Variants in ANGPT1 observed in about 807,000 individuals in gnomAD.
The protein encoded by ANGPT1 is angiopoietin 1, also known as angiopoietin-1.
ANGPT1 carries 17 observed loss-of-function variants against 62.2 expected under a neutral mutation model. The ratio of observed to expected loss-of-function variants is 0.27; its 90% confidence interval spans 0.19 to 0.41. The LOEUF is 0.41. ANGPT1 is among the 10% of genes least tolerant of loss of function. The pLI is 1.00. For missense variants in ANGPT1, 478 were observed against 594.9 expected, an observed-to-expected ratio of 0.80 and a Z score of 2.04; for synonymous variants, 199 against 198.9, an observed-to-expected ratio of 1.00 and a Z score of 0.00.
intron 7 of ANGPT1, among the ~76,000 whole-genome samples, chr8:107,273,327 G>T (rs1283121258): frequency 6.6e-6 from 1 of 152,040 alleles, no homozygotes; most frequent in East Asian, 1.9e-4. Flanking sequence ...TTCTTGCAAA[G>T]AGAAAATACT....
chr8:107,425,496 A>G (rs1470367724), intron 1 of ANGPT1, among the ~76,000 whole-genome samples: 1 of 152,224 alleles, frequency 6.6e-6, no homozygotes, highest in East Asian at 1.9e-4. Flanking sequence ...GAGGTAATTT[A>G]GTGGCTATCT....
chr8:107,436,583 C>T (rs146192403), intron 1 of ANGPT1, among the ~76,000 whole-genome samples: 248 of 152,282 alleles, frequency 1.6e-3, no homozygotes, highest in African/African-American at 5.7e-3. Flanking sequence ...TCTATTTATA[C>T]TCTCTCCTCC....
intron 1 of ANGPT1, among the ~76,000 whole-genome samples, chr8:107,486,277 A>G (rs1322761463): frequency 6.6e-6 from 1 of 152,194 alleles, no homozygotes; most frequent in African/African-American, 2.4e-5. Flanking sequence ...GGTTAAGAGC[A>G]TAGGTCATAG....
intron 1 of ANGPT1, among the ~76,000 whole-genome samples, chr8:107,455,357 T>A (rs899365053): frequency 6.6e-6 from 1 of 152,104 alleles, no homozygotes; most frequent in African/African-American, 2.4e-5. Flanking sequence ...TCTTACATAT[T>A]AAACTATTAA....
intron 4 of ANGPT1, among the ~76,000 whole-genome samples, chr8:107,304,823 TA>T (rs1814676644): frequency 6.6e-6 from 1 of 151,920 alleles, no homozygotes; most frequent in South Asian, 2.1e-4. Context: ...CTAATGGTTT[TA>T]ATGAATCATA....
intron 1 of ANGPT1, among the ~76,000 whole-genome samples, chr8:107,464,399 G>T (rs561244410): frequency 6.6e-6 from 1 of 151,956 alleles, no homozygotes; most frequent in Non-Finnish European, 1.5e-5. Context: ...GACTATTTTT[G>T]TTTACACTCG....
At chr8:107,405,173 C>T (rs1283686) in intron 1 of ANGPT1, among the ~76,000 whole-genome samples, 72,654 of 151,576 alleles carry the variant, frequency 0.48, 19,167 homozygotes, top group Middle Eastern at 0.6. Flanking sequence ...AGTTTTTTCT[C>T]ATTCTATTAT....
intron 7 of ANGPT1, among the ~76,000 whole-genome samples, chr8:107,271,113 G>C (rs1813723596): frequency 6.6e-6 from 1 of 151,890 alleles, no homozygotes; most frequent in African/African-American, 2.4e-5. Context: ...TAAGCCATTG[G>C]CTTCTGCAAA....
At chr8:107,345,080 C>T (rs943178051) in intron 2 of ANGPT1, among the ~76,000 whole-genome samples, 3 of 152,232 alleles carry the variant, frequency 2.0e-5, no homozygotes, top group East Asian at 1.9e-4. Flanking sequence ...AACACATAGG[C>T]GTCACTTCTT....
intron 8 of ANGPT1, among the ~76,000 whole-genome samples, chr8:107,252,737 T>C (rs1813274404): frequency 6.6e-6 from 1 of 152,336 alleles, no homozygotes; most frequent in African/African-American, 2.4e-5. Flanking sequence ...ACATGGAAAT[T>C]CTATGCTTGT....
intron 1 of ANGPT1, among the ~76,000 whole-genome samples, chr8:107,391,081 A>G (rs1208594944): frequency 6.6e-6 from 1 of 152,202 alleles, no homozygotes; most frequent in Non-Finnish European, 1.5e-5. Flanking sequence ...TACTATTGCA[A>G]TGAAAAAAGT....
Position 107,373,274 on chromosome 8 carries a change from T to TA in ANGPT1, c.298-26178_298-26177insT, listed in dbSNP as rs61336070. On this transcript the variant is annotated intron_variant, in intron 1 of 8. Coordinates refer to ENST00000517746, the MANE Select transcript of ANGPT1 (RefSeq NM_001146.5). Reference sequence around the variant, plus strand: ...TTTTTAGTCAAGTACAAAATAGATTTTTTTTTTTTTGAATTAGAGAGTGTA... The same window carrying TA: ...TTTTTAGTCAAGTACAAAATAGATTTATTTTTTTTTTGAATTAGAGAGTGTA... 6.5e-3 allele frequency among the ~76,000 whole-genome samples: 923 copies of TA among 141,388 alleles called. 13 individuals carry two copies. Among genetic ancestry groups the TA allele is most frequent in the East Asian group, 0.038 (185 of 4,810 alleles). The allele number at this position is 141,388 out of a possible 152,430, so 92.8% of individuals were successfully genotyped here. A position where few individuals can be genotyped will look rare whatever the true frequency, so the allele number is the denominator to read the frequency against.
intron 1 of ANGPT1, among the ~76,000 whole-genome samples, chr8:107,435,248 G>A (rs1010330458): frequency 6.6e-6 from 1 of 152,112 alleles, no homozygotes; most frequent in African/African-American, 2.4e-5. Flanking sequence ...GAATTTTATG[G>A]TAGGTAAATC....
At chr8:107,483,460 G>A (rs1382329893) in intron 1 of ANGPT1, among the ~76,000 whole-genome samples, 1 of 152,020 alleles carries the variant, frequency 6.6e-6, no homozygotes, top group Non-Finnish European at 1.5e-5. Flanking sequence ...CTGTCAGTAA[G>A]AGATACTGAC....
chr8:107,467,962 C>T (rs936191470), intron 1 of ANGPT1, among the ~76,000 whole-genome samples: 9 of 152,014 alleles, frequency 5.9e-5, no homozygotes, highest in South Asian at 2.1e-4. Context: ...ATCTGATGCT[C>T]GGAAAGAGCA....
intron 1 of ANGPT1, among the ~76,000 whole-genome samples, chr8:107,421,772 T>G (rs1810901862): frequency 6.6e-6 from 1 of 152,208 alleles, no homozygotes; most frequent in Non-Finnish European, 1.5e-5. Flanking sequence ...GAAGTTAGTT[T>G]CAGTAAAGCA....
At chr8:107,365,553 C>A (rs1816254270) in intron 1 of ANGPT1, among the ~76,000 whole-genome samples, 1 of 152,098 alleles carries the variant, frequency 6.6e-6, no homozygotes, top group Non-Finnish European at 1.5e-5. Flanking sequence ...AAGCAATAAG[C>A]TGTATCCTCA....
At chr8:107,387,377 G>A (rs928915311) in intron 1 of ANGPT1, among the ~76,000 whole-genome samples, 2 of 152,036 alleles carry the variant, frequency 1.3e-5, no homozygotes, top group Non-Finnish European at 1.5e-5. Context: ...TATTGTTAAA[G>A]CATTATTGAC....
At chr8:107,336,371 A>C (rs539894108) in intron 2 of ANGPT1, 100 bp from the exon 3 acceptor site, 2 of 1,461,704 alleles carry the variant, frequency 1.4e-6, no homozygotes, top group East Asian at 2.7e-5. Flanking sequence ...GAATAATTTA[A>C]CAAATGGTTT....
Sources: gnomAD v4.1 joint callset for allele counts (sites outside exome capture counted in the v4.1 genomes callset) on GRCh38, gnomAD v4.1.1 for gene constraint, MANE v1.5 for transcripts, NCBI Gene and HGNC (gene_info 2026-07-23, HGNC 2026-07-21) for gene names.